Variants in RUBCNL observed in about 807,000 individuals in gnomAD.
The protein encoded by RUBCNL is rubicon like autophagy enhancer, also known as protein associated with UVRAG as autophagy enhancer.
Under a neutral mutation model 69.5 loss-of-function variants are expected in RUBCNL, and 62 were observed. The ratio of observed to expected loss-of-function variants is 0.89; its 90% CI spans 0.73 to 1.10. The LOEUF (loss-of-function observed/expected upper bound fraction) is 1.10. RUBCNL is among the 50% of genes least tolerant of loss of function. RUBCNL has a pLI of 0.00. For synonymous variants in RUBCNL, 291 were observed against 303.6 expected, an observed-to-expected ratio of 0.96 and a Z score of 0.43; for missense variants, 768 against 798.1, an observed-to-expected ratio of 0.96 and a Z score of 0.45.
Position 46,356,461 on chromosome 13 carries a change from C to G in RUBCNL, c.1301G>C (p.Cys434Ser), listed in dbSNP as rs778129158. 3.7e-6 allele frequency: 6 copies of G among 1,613,812 alleles called. No homozygotes were observed. The East Asian group carries it at 1.1e-4, about 30-fold the overall frequency. Residue 434 changes from cysteine (C) to serine (S), a missense_variant, in exon 10 of 15, where the codon TGT becomes TCT. Coordinates refer to ENST00000429979, the MANE Select transcript of RUBCNL (RefSeq NM_025113.5). ...DLVVAAQNFFCAGCGTPVEPK... is the reference protein window; with the variant it reads ...DLVVAAQNFFSAGCGTPVEPK... Reference sequence around the variant, plus strand: ...CTCTACTGGAGTTCCACAGCCGGCACAGAAAAAATTCTGGGCTGCCACCAC... The same window carrying G: ...CTCTACTGGAGTTCCACAGCCGGCAGAGAAAAAATTCTGGGCTGCCACCAC...
intron 14 of RUBCNL, among the ~76,000 whole-genome samples, chr13:46,343,742 C>A (rs1188450926): frequency 6.6e-6 from 1 of 152,112 alleles, no homozygotes; most frequent in Non-Finnish European, 1.5e-5. Context: ...ACTGCAGTGC[C>A]CCCTGGATCT....
chr13:46,379,235 C>A (rs563231977), intron 1 of RUBCNL, among the ~76,000 whole-genome samples: 60 of 152,230 alleles, frequency 3.9e-4, no homozygotes, highest in African/African-American at 1.3e-3. Flanking sequence ...CGCCACCATG[C>A]CTGGCTAATT....
chr13:46,349,951 T>A (rs571481187), intron 11 of RUBCNL, among the ~76,000 whole-genome samples, 162 bp downstream of exon 11: 4 of 152,128 alleles, frequency 2.6e-5, no homozygotes, highest in African/African-American at 9.7e-5. Flanking sequence ...CTCAAAGTGC[T>A]GGGATTACAG....
intron 10 of RUBCNL, among the ~76,000 whole-genome samples, chr13:46,355,833 GATA>G: frequency 6.6e-6 from 1 of 152,152 alleles, no homozygotes; most frequent in Non-Finnish European, 1.5e-5. Flanking sequence ...GTTGAAGACA[GATA>G]ATAATAAGAC....
chr13:46,379,366 G>A (rs1021916522), intron 1 of RUBCNL, among the ~76,000 whole-genome samples: 29 of 152,308 alleles, frequency 1.9e-4, no homozygotes, highest in Admixed American at 1.3e-3. Flanking sequence ...ATGAGCCACC[G>A]CAGGCGGCCG....
Position 46,342,722 on chromosome 13 carries a change from C to T in RUBCNL, c.*663G>A, listed in dbSNP as rs1330406218. On this transcript the variant is annotated 3_prime_UTR_variant, in exon 15 of 15. Transcript: ENST00000429979. ...GTGTGTGGAACAGAGATGACAAATA[C>T]AGGTTCAATTTGTGCCACCTGAAAG... 6.6e-6 allele frequency: 1 copy of T among 152,296 alleles called. No homozygotes were observed. The allele number at this position is 152,296 out of a possible 1,614,324, so 9.4% of individuals were successfully genotyped here.
chr13:46,381,131 T>C (rs1357541162), intron 1 of RUBCNL, among the ~76,000 whole-genome samples: 2 of 151,844 alleles, frequency 1.3e-5, no homozygotes, highest in Non-Finnish European at 1.5e-5. Flanking sequence ...CCAAGAGAAA[T>C]GAGAACACAC....
chr13:46,375,965 T>C (rs527610619), intron 2 of RUBCNL, among the ~76,000 whole-genome samples: 1 of 152,342 alleles, frequency 6.6e-6, no homozygotes, highest in Non-Finnish European at 1.5e-5. Context: ...AGGATGAGGA[T>C]GAAGACCTTT....
chr13:46,368,150 C>T lies in RUBCNL; in HGVS notation c.718G>A (p.Glu240Lys). 1 of 1,613,954 alleles carries T rather than the reference C, an allele frequency of 6.2e-7. No homozygotes were observed. Residue 240 changes from glutamate to lysine, a missense_variant, in exon 5 of 15, where the codon GAA (glutamate) becomes AAA (lysine). Glu to Lys is a moderately conservative substitution (Grantham distance 56). Coordinates refer to ENST00000429979, the MANE Select transcript of RUBCNL (RefSeq NM_025113.5). ...TCACTCCCAAGTAACCCACTGACTT[C>T]TTTACTCCAGCTCTCTGTCTGCTGT... ...SQQQTESWSK[E>K]VSGLLGSDQP...
chr13:46,372,890 C>T (rs1212604714), intron 2 of RUBCNL, among the ~76,000 whole-genome samples: 1 of 151,698 alleles, frequency 6.6e-6, no homozygotes, highest in Admixed American at 6.6e-5. Flanking sequence ...ATCCATGCAT[C>T]AAAATTATTT....
chr13:46,365,263 AC>A (rs1315203502), intron 5 of RUBCNL, among the ~76,000 whole-genome samples: 1 of 137,204 alleles, frequency 7.3e-6, no homozygotes, highest in Non-Finnish European at 1.5e-5. Flanking sequence ...AGATCGCACC[AC>A]TCTACTCCGG....
Position 46,339,538 on chromosome 13 carries a change from C to T in RUBCNL, c.*3847G>A, listed in dbSNP as rs1231464029. ...CCAGCAGGTTTGAATTCCGAAGTCT[C>T]AGACAAATGACCACACTCTGGGTGG... On this transcript the variant is annotated 3_prime_UTR_variant, in exon 15 of 15. Transcript: ENST00000429979. Among the ~76,000 whole-genome samples, 1 of 152,140 alleles carries T rather than the reference C, an allele frequency of 6.6e-6. No individual in the cohort carries two copies. The highest frequency in any genetic ancestry group is 1.9e-4 in the East Asian group (1 of 5,200).
intron 14 of RUBCNL, 33 bp from the exon 15 acceptor site, chr13:46,343,530 G>A (rs1362370456): frequency 6.2e-7 from 1 of 1,600,374 alleles, no homozygotes. Flanking sequence ...TTAGCAAACG[G>A]TCTATCTTGT....
At chr13:46,361,150 A>C (rs2048600730) in intron 8 of RUBCNL, among the ~76,000 whole-genome samples, 1 of 152,192 alleles carries the variant, frequency 6.6e-6, no homozygotes, top group Non-Finnish European at 1.5e-5. Flanking sequence ...GCTTGAACCC[A>C]GGAAGCGGAG....
intron 14 of RUBCNL, among the ~76,000 whole-genome samples, chr13:46,344,333 T>C (rs537425652): frequency 6.6e-6 from 1 of 152,286 alleles, no homozygotes; most frequent in East Asian, 1.9e-4. Context: ...AAGAGCCAGA[T>C]AGCAAATGTT....
rs560241234 is a variant in RUBCNL, at chr13:46,341,400, G to A, written c.*1985C>T. Reference sequence around the variant, plus strand: ...GGGCTGAAGATCACTTCCCTAACAGGTGCCTTCCTGGGAAGAAGCCTCTAT... The same window carrying A: ...GGGCTGAAGATCACTTCCCTAACAGATGCCTTCCTGGGAAGAAGCCTCTAT... On this transcript the variant is annotated 3_prime_UTR_variant, in exon 15 of 15. Coordinates refer to ENST00000429979, the MANE Select transcript of RUBCNL (RefSeq NM_025113.5). Among the ~76,000 whole-genome samples the A allele has an allele frequency of 6.6e-6, 1 of 152,270 alleles. No homozygotes were observed. The highest frequency in any genetic ancestry group is 2.4e-5 in the African/African-American group (1 of 41,550).
intron 3 of RUBCNL, among the ~76,000 whole-genome samples, chr13:46,371,136 A>G (rs2048866661): frequency 6.6e-6 from 1 of 152,242 alleles, no homozygotes; most frequent in African/African-American, 2.4e-5. Flanking sequence ...CCTGCTAGTG[A>G]GAAATAAATA....
At chr13:46,350,372 T>C in intron 10 of RUBCNL, 21 bp from the exon 11 acceptor site, 1 of 1,503,786 alleles carries the variant, frequency 6.6e-7, no homozygotes, top group Non-Finnish European at 9.0e-7. Context: ...TACCGGAGGG[T>C]GAGTGCCACA....
In RUBCNL at chr13:46,359,587, C is replaced by T. The variant is rs781627748; in HGVS notation, c.1164G>A (p.Met388Ile). 12 of 1,592,514 alleles carry T rather than the reference C, an allele frequency of 7.5e-6. No homozygotes were observed. In the South Asian group the frequency reaches 1.0e-4, roughly 14 times the overall value. ...TAAATTTAATTTCCTGTACTACATT[C>T]ATACTGGATTCAAAGTCTTTTCGGA... Reference protein sequence around the residue: ...ECVRKDFESSMNVVQEIKFKS... With the variant: ...ECVRKDFESSINVVQEIKFKS... The change falls in exon 9 of 15, where the codon ATG becomes ATA. Residue 388 changes from methionine (M) to isoleucine (I), a missense_variant. Coordinates refer to ENST00000429979, the MANE Select transcript of RUBCNL (RefSeq NM_025113.5).
Sources: allele counts gnomAD v4.1 joint callset (sites outside exome capture counted in the v4.1 genomes callset), GRCh38; gene constraint gnomAD v4.1.1; transcripts MANE v1.5; gene names NCBI Gene and HGNC (gene_info 2026-07-23, HGNC 2026-07-21).